DCDC2: variants seen among roughly 807,000 people sequenced by gnomAD.
The protein encoded by DCDC2 is doublecortin domain-containing protein 2.
A neutral mutation model predicts 50.2 loss-of-function variants in DCDC2; 40 were observed. The ratio of observed to expected loss-of-function variants is 0.80; its 90% CI spans 0.62 to 1.04. The LOEUF (loss-of-function observed/expected upper bound fraction) is 1.04, where lower values mean the gene tolerates loss of function less well. DCDC2 is among the 50% of genes least tolerant of loss of function. DCDC2 has a pLI of 0.00. For synonymous variants in DCDC2, 234 were observed against 210.6 expected, an observed-to-expected ratio of 1.11 and a Z score of -0.96; for missense variants, 570 against 581.9, an observed-to-expected ratio of 0.98 and a Z score of 0.21.
At chr6:24,268,073 G>A (rs560757416) in intron 7 of DCDC2, among the ~76,000 whole-genome samples, 11 of 152,294 alleles carry the variant, frequency 7.2e-5, no homozygotes, top group African/African-American at 1.9e-4. Context: ...CGTGGAATAC[G>A]TCCATACTAA....
chr6:24,201,506 T>C lies in DCDC2; in HGVS notation c.1023+3496A>G, dbSNP rs189199924. Among the ~76,000 whole-genome samples, 101 of 152,182 alleles carry C rather than the reference T, an allele frequency of 6.6e-4. No individual in the cohort carries two copies. In the Middle Eastern group the frequency reaches 0.01, roughly 15 times the overall value. Reference sequence around the variant, plus strand: ...TCTCTGAGACACAGCTAAAGCAGTGTTTAGAGGGAAATTTGTAGCACTAAA... The same window carrying C: ...TCTCTGAGACACAGCTAAAGCAGTGCTTAGAGGGAAATTTGTAGCACTAAA... On this transcript the variant is annotated intron_variant, in intron 8 of 9. Coordinates refer to ENST00000378454, the MANE Select transcript of DCDC2 (RefSeq NM_016356.5).
intron 2 of DCDC2, among the ~76,000 whole-genome samples, chr6:24,325,222 C>T (rs1759837027): frequency 7.5e-6 from 1 of 133,374 alleles, no homozygotes; most frequent in Non-Finnish European, 1.7e-5. Context: ...CCTCGGTTCT[C>T]AAATAAAAGC....
chr6:24,179,403 C>T (rs1303215231), intron 8 of DCDC2, among the ~76,000 whole-genome samples: 7 of 150,240 alleles, frequency 4.7e-5, no homozygotes, highest in Non-Finnish European at 1.0e-4. Flanking sequence ...AAAAAATTAG[C>T]TGGGCATGGT....
intron 7 of DCDC2, among the ~76,000 whole-genome samples, chr6:24,208,755 C>A (rs553621063): frequency 4.7e-4 from 71 of 152,320 alleles, no homozygotes; most frequent in African/African-American, 1.6e-3. Context: ...ATTCTGCCCC[C>A]TTCCCTGCTA....
At chr6:24,304,314 C>A (rs1759432014) in intron 2 of DCDC2, among the ~76,000 whole-genome samples, 1 of 152,162 alleles carries the variant, frequency 6.6e-6, no homozygotes, top group Non-Finnish European at 1.5e-5. Context: ...GAAACCCTAT[C>A]TCTACTGAAA....
At chr6:24,225,840 T>C (rs901102150) in intron 7 of DCDC2, among the ~76,000 whole-genome samples, 4 of 152,212 alleles carry the variant, frequency 2.6e-5, no homozygotes, top group African/African-American at 9.7e-5. Flanking sequence ...TAGCAACTGA[T>C]TTATTTTAAA....
At chr6:24,191,642 C>A (rs1314806814) in intron 8 of DCDC2, among the ~76,000 whole-genome samples, 1 of 152,186 alleles carries the variant, frequency 6.6e-6, no homozygotes, top group African/African-American at 2.4e-5. Context: ...AGGCTACCAT[C>A]CCTATTGCGG....
chr6:24,240,308 G>A lies in DCDC2; in HGVS notation c.923-35206C>T, dbSNP rs565062336. Among the ~76,000 whole-genome samples the A allele has an allele frequency of 7.9e-5, 12 of 152,218 alleles. No individual in the cohort carries two copies. In the South Asian group the frequency reaches 1.9e-3, roughly 24 times the overall value. Reference sequence around the variant, plus strand: ...TTTAAAGAGGTGCATCAGAAAGGAAGAAGAGGCTGGAGTATTAATTGAACA... The same window carrying A: ...TTTAAAGAGGTGCATCAGAAAGGAAAAAGAGGCTGGAGTATTAATTGAACA... On this transcript the variant is annotated intron_variant, in intron 7 of 9. Transcript: ENST00000378454.
chr6:24,249,721 T>C (rs1472546213), intron 7 of DCDC2, among the ~76,000 whole-genome samples: 2 of 152,212 alleles, frequency 1.3e-5, no homozygotes, highest in African/African-American at 4.8e-5. Context: ...CCTAACAGCA[T>C]TTCTCAGGAA....
intron 7 of DCDC2, among the ~76,000 whole-genome samples, chr6:24,224,206 G>A (rs989455206): frequency 3.3e-5 from 5 of 152,062 alleles, no homozygotes; most frequent in South Asian, 2.1e-4. Flanking sequence ...CAGTTCATTC[G>A]TTCATTCATT....
the DCDC2 span, among the ~76,000 whole-genome samples, chr6:24,381,393 T>A: frequency 6.6e-6 from 1 of 152,156 alleles, no homozygotes; most frequent in Non-Finnish European, 1.5e-5. Flanking sequence ...TACTGTAAGA[T>A]CTCCCTCATA....
At chr6:24,324,058 G>C (rs921675733) in intron 2 of DCDC2, among the ~76,000 whole-genome samples, 1 of 152,154 alleles carries the variant, frequency 6.6e-6, no homozygotes, top group East Asian at 1.9e-4. Flanking sequence ...ATGGCTTGTA[G>C]TTAACCAGTG....
intron 7 of DCDC2, among the ~76,000 whole-genome samples, chr6:24,207,280 C>CTCTCTCTCTCTCTG (rs1431488632): frequency 6.6e-5 from 10 of 151,014 alleles, no homozygotes; most frequent in Non-Finnish European, 1.0e-4. Flanking sequence ...CTCTCTCTCT[C>CTCTCTCTCTCTCTG]TCTCTCTCAG....
intron 7 of DCDC2, among the ~76,000 whole-genome samples, chr6:24,261,468 T>C (rs1217648567): frequency 6.6e-6 from 1 of 152,014 alleles, no homozygotes; most frequent in East Asian, 1.9e-4. Flanking sequence ...TGGGATGGGC[T>C]GGAGTGCCAG....
intron 4 of DCDC2, among the ~76,000 whole-genome samples, chr6:24,294,508 T>C (rs955508728): frequency 2.0e-5 from 3 of 151,804 alleles, no homozygotes; most frequent in African/African-American, 7.3e-5. Flanking sequence ...TGAAAAACTA[T>C]TCAAAAGATC....
At chr6:24,356,153 A>G (rs1054111700) in intron 1 of DCDC2, among the ~76,000 whole-genome samples, 1 of 152,242 alleles carries the variant, frequency 6.6e-6, no homozygotes, top group Non-Finnish European at 1.5e-5. Flanking sequence ...CAACCCAAAT[A>G]TACATCAAAC....
At chr6:24,290,787 AG>A (rs149729223) in intron 5 of DCDC2, 144 bp downstream of exon 5, 9,793 of 582,352 alleles carry the variant, frequency 0.017, 223 homozygotes, top group East Asian at 0.097. Context: ...ATAAAAACAA[AG>A]ATCAATGTAT....
chr6:24,381,273 T>C, the DCDC2 span, among the ~76,000 whole-genome samples: 2 of 152,142 alleles, frequency 1.3e-5, no homozygotes, highest in African/African-American at 2.4e-5. Context: ...TCTTAGCAAA[T>C]TTCAAGTAGT....
At chr6:24,201,292 TAATC>T (rs1483403340) in intron 8 of DCDC2, among the ~76,000 whole-genome samples, 1 of 152,180 alleles carries the variant, frequency 6.6e-6, no homozygotes, top group Non-Finnish European at 1.5e-5. Flanking sequence ...ATGGAAATCA[TAATC>T]AACAGTCTCT....
Sources: gnomAD v4.1 joint callset for allele counts (sites outside exome capture counted in the v4.1 genomes callset) on GRCh38, gnomAD v4.1.1 for gene constraint, MANE v1.5 for transcripts, NCBI Gene and HGNC (gene_info 2026-07-23, HGNC 2026-07-21) for gene names.